The following WDPCP variants were observed in gnomAD, a reference collection of about 807,000 sequenced individuals.
WDPCP encodes WD repeat containing planar cell polarity effector, also known as WD repeat-containing and planar cell polarity effector protein fritz homolog.
In WDPCP, 71 loss-of-function variants were observed where a neutral mutation model predicts 93.1. The ratio of observed to expected loss-of-function variants is 0.76; its 90% CI spans 0.63 to 0.93. The LOEUF (loss-of-function observed/expected upper bound fraction) is 0.93. WDPCP is among the 40% of genes least tolerant of loss of function. WDPCP has a pLI of 0.00. For synonymous variants in WDPCP, 315 were observed against 315.0 expected, an observed-to-expected ratio of 1.00 and a Z score of 0.00; for missense variants, 844 against 887.4, an observed-to-expected ratio of 0.95 and a Z score of 0.62.
At chr2:63,754,779 T>A (rs1669935687) in intron 2 of WDPCP, among the ~76,000 whole-genome samples, 1 of 152,232 alleles carries the variant, frequency 6.6e-6, no homozygotes, top group Non-Finnish European at 1.5e-5. Flanking sequence ...TCCAGCTGAC[T>A]GGGTGTATTA....
chr2:63,441,879 G>T (rs1281410230), intron 6 of WDPCP: 1 of 151,968 alleles, frequency 6.6e-6, no homozygotes. Context: ...AAATTTAAGG[G>T]CTCAAAAAGA....
chr2:63,437,686 T>G, intron 7 of WDPCP, 132 bp from the exon 8 acceptor site: 1 of 1,030,832 alleles, frequency 9.7e-7, no homozygotes, highest in Non-Finnish European at 1.4e-6. Flanking sequence ...AATATCATTA[T>G]AGCATTTTAT....
At chr2:63,469,222 A>G (rs2105807368) in intron 6 of WDPCP, among the ~76,000 whole-genome samples, 1 of 152,350 alleles carries the variant, frequency 6.6e-6, no homozygotes, top group South Asian at 2.1e-4. Context: ...GTTGCAGAGA[A>G]AAGGAATGCT....
At chr2:63,623,415 G>C (rs1378961100) in intron 3 of WDPCP, among the ~76,000 whole-genome samples, 1 of 152,032 alleles carries the variant, frequency 6.6e-6, no homozygotes, top group Non-Finnish European at 1.5e-5. Context: ...AGACCTGTCA[G>C]TGTGCTGTAT....
intron 2 of WDPCP, among the ~76,000 whole-genome samples, chr2:63,728,831 C>T (rs1669522971): frequency 6.6e-6 from 1 of 152,190 alleles, no homozygotes; most frequent in Non-Finnish European, 1.5e-5. Context: ...TATACAGTCT[C>T]ATGAACATGA....
chr2:63,353,037 A>G (rs116260961), intron 12 of WDPCP, among the ~76,000 whole-genome samples: 2,287 of 152,312 alleles, frequency 0.015, 63 homozygotes, highest in African/African-American at 0.053. Context: ...CACGGAGAAC[A>G]AAGAAAAGCA....
intron 6 of WDPCP, among the ~76,000 whole-genome samples, chr2:63,475,863 C>T (rs2105851507): frequency 6.6e-6 from 1 of 152,074 alleles, no homozygotes; most frequent in African/African-American, 2.4e-5. Context: ...TACTCATCTA[C>T]TCCTTCTTGA....
intron 3 of WDPCP, among the ~76,000 whole-genome samples, chr2:63,616,291 A>C (rs1709672467): frequency 6.6e-6 from 1 of 152,174 alleles, no homozygotes; most frequent in African/African-American, 2.4e-5. Flanking sequence ...AAAGGGAATT[A>C]TAAATGGAAA....
At chr2:63,429,875 C>T (rs1049925639) in intron 9 of WDPCP, among the ~76,000 whole-genome samples, 2 of 151,874 alleles carry the variant, frequency 1.3e-5, no homozygotes, top group Non-Finnish European at 2.9e-5. Context: ...ACCAAAAGGA[C>T]GTGTGCACCT....
chr2:63,429,585 A>C (rs1696573091), intron 9 of WDPCP, among the ~76,000 whole-genome samples: 1 of 152,218 alleles, frequency 6.6e-6, no homozygotes, highest in African/African-American at 2.4e-5. Flanking sequence ...ATATGAAAGA[A>C]TGCTCATAAT....
At chr2:63,153,832 A>G (rs1397110505) in intron 15 of WDPCP, among the ~76,000 whole-genome samples, 1 of 152,010 alleles carries the variant, frequency 6.6e-6, no homozygotes, top group Non-Finnish European at 1.5e-5. Flanking sequence ...GTTAAATTAA[A>G]CTTTAACATA....
chr2:63,122,956 C>T (rs1323679190), intron 17 of WDPCP, among the ~76,000 whole-genome samples: 1 of 150,096 alleles, frequency 6.7e-6, no homozygotes, highest in African/African-American at 2.5e-5. Flanking sequence ...TTTAAGTAGT[C>T]ACATATCAAA....
chr2:63,334,358 GCA>G (rs1385179799), intron 12 of WDPCP, among the ~76,000 whole-genome samples: 1 of 152,142 alleles, frequency 6.6e-6, no homozygotes, highest in East Asian at 1.9e-4. Context: ...GGTGGTCAGA[GCA>G]CAGTTTGGTT....
intron 12 of WDPCP, among the ~76,000 whole-genome samples, chr2:63,329,380 T>C (rs909652019): frequency 6.6e-6 from 1 of 152,194 alleles, no homozygotes; most frequent in Admixed American, 6.5e-5. Context: ...AAAATGATAC[T>C]CTATTTATGT....
chr2:63,539,550 G>T (rs1704556595), intron 1 of WDPCP, among the ~76,000 whole-genome samples: 1 of 152,144 alleles, frequency 6.6e-6, no homozygotes, highest in African/African-American at 2.4e-5. Context: ...AAATTAGCCA[G>T]GTGTGGTGGC....
intron 2 of WDPCP, among the ~76,000 whole-genome samples, chr2:63,679,144 C>G (rs1207370417): frequency 2.0e-5 from 3 of 152,232 alleles, no homozygotes; most frequent in Non-Finnish European, 4.4e-5. Context: ...CAATTCATCT[C>G]TTTAGGTTCC....
At chr2:63,415,501 A>G (rs577939189) in intron 9 of WDPCP, among the ~76,000 whole-genome samples, 5 of 152,296 alleles carry the variant, frequency 3.3e-5, no homozygotes, top group Non-Finnish European at 5.9e-5. Context: ...CAATACCCCA[A>G]AGTTAGGTAT....
At chr2:63,408,135 C>T (rs1288576910) in intron 9 of WDPCP, among the ~76,000 whole-genome samples, 28 of 152,052 alleles carry the variant, frequency 1.8e-4, no homozygotes, top group African/African-American at 7.2e-5. Flanking sequence ...TGTGGAGGCT[C>T]GCACTGTGAA....
chr2:63,554,652 CAA>C (rs58105048), intron 1 of WDPCP, among the ~76,000 whole-genome samples: 24 of 147,230 alleles, frequency 1.6e-4, no homozygotes, highest in East Asian at 1.2e-3. Context: ...AACTCCGTCT[CAA>C]AAAAAAAAAA....
Sources: gnomAD v4.1 joint callset for allele counts (sites outside exome capture counted in the v4.1 genomes callset) on GRCh38, gnomAD v4.1.1 for gene constraint, MANE v1.5 for transcripts, NCBI Gene and HGNC (gene_info 2026-07-23, HGNC 2026-07-21) for gene names.